The following RBM39 variants were observed in gnomAD, a reference collection of about 807,000 sequenced individuals.
RBM39 encodes the protein RNA binding motif protein 39, also known as RNA-binding protein 39.
A neutral mutation model predicts 79.6 loss-of-function variants in RBM39; 12 were observed. The observed-to-expected ratio is 0.15, with a 90% confidence interval of 0.10 to 0.24. The LOEUF (loss-of-function observed/expected upper bound fraction) is 0.24, where lower values mean the gene tolerates loss of function less well. Among genes scored for constraint, RBM39 ranks in the 10% least tolerant of loss-of-function variants. RBM39 has a pLI of 1.00. For missense variants in RBM39, 243 were observed against 653.4 expected (o/e 0.37, Z 6.85); for synonymous variants, 185 against 208.4 (o/e 0.89, Z 0.97).
chr20:35,736,150 C>G (rs554171742), intron 3 of RBM39, among the ~76,000 whole-genome samples: 13 of 152,270 alleles, frequency 8.5e-5, no homozygotes, highest in African/African-American at 3.1e-4. Flanking sequence ...TATATGGATA[C>G]ACCTTCCTGG....
rs941841020 is a variant in RBM39 at position 35,702,908 on chromosome 20, CAAAAAG to C, written c.*1567_*1572del. The C allele has an allele frequency of 6.6e-6, 1 of 151,808 alleles. No homozygotes were observed. Among genetic ancestry groups the C allele is most frequent in the East Asian group, 1.9e-4 (1 of 5,168 alleles). The allele number at this position is 151,808 out of a possible 1,614,324, so 9.4% of individuals were successfully genotyped here. On this transcript the variant is annotated 3_prime_UTR_variant, in exon 17 of 17. Transcript: ENST00000253363. ...TGGGCCAAAGAGCAAGACTCCATCTCAAAAAGAAAAAGAAATTGAACCTTGGGAGTT... is the reference window on the plus strand; with the variant it reads ...TGGGCCAAAGAGCAAGACTCCATCTCAAAAAGAAATTGAACCTTGGGAGTT...
At position 35,734,093 on chromosome 20, in the gene RBM39, T is replaced by C. The variant is rs1035969213; in HGVS notation, c.102-1958A>G. The stretch of plus-strand genomic sequence containing the variant: ...TGTTTATTCCTTATCAAAGCAAAGT[T>C]ACATATCACAAGAGCAACTGAGGTC... On this transcript the variant is annotated intron_variant, in intron 3 of 16. Transcript: ENST00000253363. The C allele has an allele frequency of 6.0e-6, 3 of 496,040 alleles. No individual in the cohort carries two copies. The African/African-American group carries it at 6.1e-5, about 10-fold the overall frequency. The allele number at this position is 496,040 out of a possible 1,614,324, so 30.7% of individuals were successfully genotyped here. A position where few individuals can be genotyped will look rare whatever the true frequency, so the allele number is the denominator to read the frequency against.
intron 3 of RBM39, among the ~76,000 whole-genome samples, chr20:35,735,981 T>C (rs984276455): frequency 1.3e-5 from 2 of 152,122 alleles, no homozygotes; most frequent in African/African-American, 2.4e-5. Context: ...TAAAAACAAG[T>C]AGACACCGGA....
chr20:35,730,172 T>G (rs541997208), intron 4 of RBM39, among the ~76,000 whole-genome samples: 1 of 152,328 alleles, frequency 6.6e-6, no homozygotes, highest in South Asian at 2.1e-4. Context: ...TGAAGGTAAT[T>G]TACCAATTCT....
chr20:35,724,909 C>T, intron 7 of RBM39, 129 bp downstream of exon 7: 1 of 992,950 alleles, frequency 1.0e-6, no homozygotes, highest in Admixed American at 2.3e-5. Context: ...AACTCCAATA[C>T]TACAAGAGGC....
intron 6 of RBM39, among the ~76,000 whole-genome samples, chr20:35,726,329 C>T (rs183926320): frequency 3.1e-4 from 47 of 152,066 alleles, no homozygotes; most frequent in Admixed American, 3.3e-4. Context: ...CATGGGATTC[C>T]ACTGTGTTAG....
At chr20:35,719,538 G>A (rs146826019) in intron 9 of RBM39, among the ~76,000 whole-genome samples, 20 of 152,048 alleles carry the variant, frequency 1.3e-4, no homozygotes, top group African/African-American at 4.1e-4. Context: ...TTAGCTGGGC[G>A]TTGTGGTCAG....
chr20:35,706,924 G>A (rs1435786062), intron 14 of RBM39, among the ~76,000 whole-genome samples, 196 bp downstream of exon 14: 1 of 151,260 alleles, frequency 6.6e-6, no homozygotes, highest in Non-Finnish European at 1.5e-5. Flanking sequence ...CCACTCGGAA[G>A]GCTGAGGCAG....
intron 8 of RBM39, 146 bp downstream of exon 8, chr20:35,724,424 C>A (rs2425104): frequency 0.088 from 57,846 of 655,622 alleles, 3,201 homozygotes; most frequent in Middle Eastern, 0.12. Flanking sequence ...TGTTAATAAA[C>A]GCAAAGTTAA....
At chr20:35,721,662 A>C (rs1411749346) in intron 9 of RBM39, 78 bp downstream of exon 9, 2 of 1,492,184 alleles carry the variant, frequency 1.3e-6, no homozygotes, top group Non-Finnish European at 1.8e-6. Flanking sequence ...AAAGATAACA[A>C]AGCAAGACAT....
chr20:35,737,254 G>A (rs1230362543), intron 3 of RBM39, among the ~76,000 whole-genome samples: 1 of 151,918 alleles, frequency 6.6e-6, no homozygotes, highest in Non-Finnish European at 1.5e-5. Flanking sequence ...GCCAGGTGCG[G>A]TGGCAGGCAC....
chr20:35,734,296 T>C (rs1366450985), intron 3 of RBM39: 2 of 1,152,334 alleles, frequency 1.7e-6, no homozygotes, highest in South Asian at 2.6e-5. Flanking sequence ...GTCAGAAATG[T>C]ATATGCTAGG....
At chr20:35,735,538 T>C (rs954141723) in intron 3 of RBM39, among the ~76,000 whole-genome samples, 1 of 152,190 alleles carries the variant, frequency 6.6e-6, no homozygotes, top group South Asian at 2.1e-4. Flanking sequence ...GACAATGAAG[T>C]TTTAGAATGA....
At chr20:35,725,905 G>A (rs1251848652) in intron 6 of RBM39, among the ~76,000 whole-genome samples, 1 of 151,262 alleles carries the variant, frequency 6.6e-6, no homozygotes, top group Admixed American at 6.6e-5. Flanking sequence ...CTCAGGTGAT[G>A]TGCCCGCCTC....
intron 12 of RBM39, among the ~76,000 whole-genome samples, chr20:35,712,511 C>CCCTTTATA (rs2036563822): frequency 6.7e-6 from 1 of 150,324 alleles, no homozygotes; most frequent in Non-Finnish European, 1.5e-5. Flanking sequence ...TGAACTAAAT[C>CCCTTTATA]CCTTTATACA....
intron 6 of RBM39, 53 bp downstream of exon 6, chr20:35,729,259 C>T: frequency 6.9e-7 from 1 of 1,454,022 alleles, no homozygotes. Context: ...TTTAACAGTA[C>T]CATAAGCTGC....
chr20:35,734,616 C>T (rs2039715521), intron 3 of RBM39: 1 of 312,704 alleles, frequency 3.2e-6, no homozygotes, highest in South Asian at 7.3e-5. Context: ...ACTTATTCTG[C>T]CAAAAGAAAA....
At chr20:35,721,988 C>A in intron 8 of RBM39, 111 bp from the exon 9 acceptor site, 2 of 1,261,406 alleles carry the variant, frequency 1.6e-6, no homozygotes, top group East Asian at 2.4e-5. Flanking sequence ...AAAATACTAC[C>A]CTACGTAAGT....
chr20:35,724,852 C>T, intron 7 of RBM39, 130 bp from the exon 8 acceptor site: 1 of 1,185,978 alleles, frequency 8.4e-7, no homozygotes, highest in South Asian at 1.5e-5. Context: ...TAGGACAATT[C>T]CTATATCCTA....
Sources: allele counts gnomAD v4.1 joint callset (sites outside exome capture counted in the v4.1 genomes callset), GRCh38; gene constraint gnomAD v4.1.1; transcripts MANE v1.5; gene names NCBI Gene and HGNC (gene_info 2026-07-23, HGNC 2026-07-21).